Variants in PKNOX2 observed in about 807,000 individuals in gnomAD.
The protein encoded by PKNOX2 is PBX/knotted 1 homeobox 2.
PKNOX2 carries 14 observed loss-of-function variants against 53.1 expected under a neutral mutation model. The observed-to-expected ratio is 0.26, with a 90% CI of 0.17 to 0.41. The LOEUF is 0.41. Among genes scored for constraint, PKNOX2 ranks in the 10% least tolerant of loss-of-function variants. PKNOX2 has a pLI of 1.00. For missense variants in PKNOX2, 496 were observed against 602.8 expected (o/e 0.82, Z 1.85); for synonymous variants, 257 against 242.8 (o/e 1.06, Z -0.54).
chr11:125,253,581 C>T (rs1024617747), intron 2 of PKNOX2, among the ~76,000 whole-genome samples: 2 of 152,162 alleles, frequency 1.3e-5, no homozygotes, highest in Non-Finnish European at 2.9e-5. Flanking sequence ...AGACTTCATA[C>T]ATTTCTCAGT....
At chr11:125,186,591 A>G (rs1024606815) in intron 1 of PKNOX2, among the ~76,000 whole-genome samples, 2 of 152,238 alleles carry the variant, frequency 1.3e-5, no homozygotes, top group African/African-American at 4.8e-5. Flanking sequence ...GTTTATGGCT[A>G]CAATGAGCTG....
rs559834731 is a variant in PKNOX2 at position 125,429,091 on chromosome 11, G to A, written c.1013+3G>A. ...ACCCTCCTGCAAGTAAACAACTGGT[G>A]AGTTTGCATCACCTGCATGCAGGCT... is the stretch of plus-strand genomic sequence containing the variant. On this transcript the variant is annotated splice_donor_region_variant and intron_variant, in intron 11 of 12. Transcript: ENST00000298282. The A allele has an allele frequency of 4.5e-5, 72 of 1,608,344 alleles. No individual in the cohort carries two copies. The South Asian group carries it at 7.8e-4, about 17-fold the overall frequency.
chr11:125,347,617 G>T (rs1951049647), intron 3 of PKNOX2, among the ~76,000 whole-genome samples: 1 of 152,118 alleles, frequency 6.6e-6, no homozygotes, highest in Non-Finnish European at 1.5e-5. Flanking sequence ...TCCTAAAGGG[G>T]TGTGCTTTTA....
chr11:125,232,250 G>C (rs1325784609), intron 1 of PKNOX2, among the ~76,000 whole-genome samples: 1 of 152,232 alleles, frequency 6.6e-6, no homozygotes, highest in African/African-American at 2.4e-5. Context: ...ATTTTAGAAA[G>C]GGACAAGGAA....
intron 1 of PKNOX2, among the ~76,000 whole-genome samples, chr11:125,197,099 G>A (rs1255725129): frequency 1.3e-5 from 2 of 152,266 alleles, no homozygotes; most frequent in Non-Finnish European, 2.9e-5. Context: ...TGCTGCTGCT[G>A]TTGGAGTCGG....
intron 1 of PKNOX2, among the ~76,000 whole-genome samples, chr11:125,196,044 A>C (rs1274804254): frequency 1.3e-5 from 2 of 151,982 alleles, no homozygotes; most frequent in East Asian, 3.9e-4. Flanking sequence ...AAGCTGGGGA[A>C]CCAGCATTCT....
intron 2 of PKNOX2, among the ~76,000 whole-genome samples, chr11:125,262,786 C>T (rs1057037136): frequency 6.6e-6 from 1 of 152,148 alleles, no homozygotes. Flanking sequence ...TTTTCTTTCT[C>T]TAACTTTCTC....
intron 1 of PKNOX2, among the ~76,000 whole-genome samples, chr11:125,172,054 G>A (rs1955359573): frequency 6.6e-6 from 1 of 152,196 alleles, no homozygotes; most frequent in African/African-American, 2.4e-5. Context: ...CAGAGTGTTA[G>A]AGGAGGACTG....
At chr11:125,178,968 G>T (rs73615794) in intron 1 of PKNOX2, among the ~76,000 whole-genome samples, 9,507 of 152,092 alleles carry the variant, frequency 0.063, 1,027 homozygotes, top group African/African-American at 0.22. Context: ...TAAAGTGCAC[G>T]GTGTGGTGTC....
At chr11:125,224,983 G>T (rs1165048421) in intron 1 of PKNOX2, among the ~76,000 whole-genome samples, 3 of 152,224 alleles carry the variant, frequency 2.0e-5, no homozygotes, top group Non-Finnish European at 4.4e-5. Flanking sequence ...CTGGGTGCTG[G>T]GTGCTCCCTC....
intron 10 of PKNOX2, among the ~76,000 whole-genome samples, chr11:125,420,372 A>G (rs1956110991): frequency 6.6e-6 from 1 of 151,742 alleles, no homozygotes; most frequent in African/African-American, 2.4e-5. Flanking sequence ...TAAAAATACA[A>G]AAAATTAGCC....
intron 2 of PKNOX2, among the ~76,000 whole-genome samples, chr11:125,303,333 G>C (rs1948203448): frequency 1.3e-5 from 2 of 152,312 alleles, no homozygotes; most frequent in South Asian, 2.1e-4. Context: ...CGGGGGTACA[G>C]GCTGAGGAAT....
intron 7 of PKNOX2, among the ~76,000 whole-genome samples, chr11:125,404,114 G>A (rs78695272): frequency 6.6e-6 from 1 of 152,108 alleles, no homozygotes; most frequent in South Asian, 2.1e-4. Flanking sequence ...GGATGGGGCT[G>A]GGGTAGGGGG....
At chr11:125,348,879 G>C (rs1442982740) in intron 3 of PKNOX2, among the ~76,000 whole-genome samples, 2 of 152,192 alleles carry the variant, frequency 1.3e-5, no homozygotes, top group African/African-American at 4.8e-5. Context: ...GCCCCTAAGA[G>C]GGGGAGAAAG....
chr11:125,245,484 A>C (rs1191980395), intron 2 of PKNOX2, among the ~76,000 whole-genome samples: 1 of 152,248 alleles, frequency 6.6e-6, no homozygotes, highest in Non-Finnish European at 1.5e-5. Flanking sequence ...TTTCCACTGC[A>C]CTTGGAGCTC....
intron 2 of PKNOX2, among the ~76,000 whole-genome samples, chr11:125,241,786 T>C (rs1943164853): frequency 6.6e-6 from 1 of 151,936 alleles, no homozygotes; most frequent in South Asian, 2.1e-4. Flanking sequence ...ACCCAGGAGG[T>C]GGAGGTTGCA....
chr11:125,355,152 A>G (rs1951532970), intron 4 of PKNOX2, among the ~76,000 whole-genome samples: 1 of 151,968 alleles, frequency 6.6e-6, no homozygotes, highest in African/African-American at 2.4e-5. Flanking sequence ...CTGTAGTCCC[A>G]GCTACTTGGG....
chr11:125,283,414 G>A (rs1946702846), intron 2 of PKNOX2, among the ~76,000 whole-genome samples: 1 of 152,214 alleles, frequency 6.6e-6, no homozygotes, highest in Non-Finnish European at 1.5e-5. Flanking sequence ...GAATTTAGGA[G>A]CCAAGTTGAA....
chr11:125,167,145 C>A (rs557101548), intron 1 of PKNOX2, among the ~76,000 whole-genome samples: 4 of 147,682 alleles, frequency 2.7e-5, no homozygotes, highest in African/African-American at 1.0e-4. Flanking sequence ...GGGGTCCCGA[C>A]CAGGGAGGTA....
Sources: gnomAD v4.1 joint callset for allele counts (sites outside exome capture counted in the v4.1 genomes callset) on GRCh38, gnomAD v4.1.1 for gene constraint, MANE v1.5 for transcripts, NCBI Gene and HGNC (gene_info 2026-07-23, HGNC 2026-07-21) for gene names.